NBAS: variants seen among roughly 807,000 people sequenced by gnomAD.
NBAS encodes the protein NAG/BC035112 fusion.
NBAS carries 219 observed loss-of-function variants against 302.5 expected under a neutral mutation model. The ratio of observed to expected loss-of-function variants is 0.72; its 90% CI spans 0.65 to 0.81. The LOEUF is 0.81. NBAS is among the 30% of genes least tolerant of loss of function. The pLI is 0.00. For missense variants in NBAS, 2,932 were observed against 2,841.6 expected, an observed-to-expected ratio of 1.03 and a Z score of -0.72; for synonymous variants, 1,118 against 1,021.6, an observed-to-expected ratio of 1.09 and a Z score of -1.80.
chr2:15,472,713 C>T (rs1364600836), intron 16 of NBAS, among the ~76,000 whole-genome samples: 13 of 152,194 alleles, frequency 8.5e-5, no homozygotes, highest in Non-Finnish European at 1.5e-5. Flanking sequence ...GCTGCAACCA[C>T]TCCTGGTCCA....
chr2:15,417,127 CCAAGATGTTTTCTTCAAA>C (rs1346510038), intron 24 of NBAS, among the ~76,000 whole-genome samples: 1 of 152,152 alleles, frequency 6.6e-6, no homozygotes, highest in Non-Finnish European at 1.5e-5. Context: ...AACCCTGAAG[CCAAGATGTTTTCTTCAAA>C]CAACCACCCG....
intron 26 of NBAS, 73 bp from the exon 27 acceptor site, chr2:15,396,548 A>G: frequency 9.9e-7 from 1 of 1,009,300 alleles, no homozygotes; most frequent in Non-Finnish European, 1.5e-6. Flanking sequence ...TACAAAACTT[A>G]ATGAAGTGAA....
chr2:15,556,480 A>C (rs1479215006), intron 3 of NBAS, among the ~76,000 whole-genome samples: 1 of 152,232 alleles, frequency 6.6e-6, no homozygotes, highest in Non-Finnish European at 1.5e-5. Context: ...GTATTTTAAA[A>C]GATATGCAGG....
chr2:14,823,446 T>C, the NBAS span, among the ~76,000 whole-genome samples: 4 of 152,228 alleles, frequency 2.6e-5, no homozygotes, highest in Admixed American at 6.5e-5. Context: ...TAGTCTGACC[T>C]ACACATTTTG....
intron 28 of NBAS, among the ~76,000 whole-genome samples, chr2:15,388,628 T>C (rs989457005): frequency 1.3e-5 from 2 of 152,160 alleles, no homozygotes; most frequent in Non-Finnish European, 2.9e-5. Context: ...GTTCCACTCC[T>C]AGGTAGATAT....
At chr2:15,359,345 C>A (rs902029757) in intron 32 of NBAS, among the ~76,000 whole-genome samples, 1 of 152,168 alleles carries the variant, frequency 6.6e-6, no homozygotes, top group Non-Finnish European at 1.5e-5. Flanking sequence ...GGACTTTAAA[C>A]ATTTTTGCCA....
At chr2:15,017,518 C>A in the NBAS span, among the ~76,000 whole-genome samples, 3 of 150,014 alleles carry the variant, frequency 2.0e-5, no homozygotes, top group Non-Finnish European at 3.0e-5. Context: ...AGGTGTTGCT[C>A]AAAAAAAAAG....
chr2:15,318,197 C>T (rs1558529552), intron 38 of NBAS, among the ~76,000 whole-genome samples: 1 of 152,116 alleles, frequency 6.6e-6, no homozygotes, highest in Non-Finnish European at 1.5e-5. Flanking sequence ...CAAGCAAATG[C>T]TGAGATTTTG....
the NBAS span, among the ~76,000 whole-genome samples, chr2:14,780,807 A>G: frequency 6.1e-3 from 931 of 152,312 alleles, 5 homozygotes; most frequent in Non-Finnish European, 0.011. Flanking sequence ...TGTGTTTTAT[A>G]CATCTGTTTC....
the NBAS span, among the ~76,000 whole-genome samples, chr2:14,862,300 G>C: frequency 6.6e-6 from 1 of 152,014 alleles, no homozygotes. Context: ...TGTATTTTTA[G>C]TAAAGACGGG....
At chr2:15,120,325 G>A in the NBAS span, among the ~76,000 whole-genome samples, 1 of 152,066 alleles carries the variant, frequency 6.6e-6, no homozygotes, top group Admixed American at 6.6e-5. Flanking sequence ...CCTACAATGT[G>A]GATATCGTTA....
At chr2:15,141,392 AGAC>A in the NBAS span, among the ~76,000 whole-genome samples, 1 of 152,230 alleles carries the variant, frequency 6.6e-6, no homozygotes, top group Non-Finnish European at 1.5e-5. Context: ...CCCGTTTTAC[AGAC>A]GACAACAGTG....
the NBAS span, among the ~76,000 whole-genome samples, chr2:14,809,749 C>T: frequency 6.6e-6 from 1 of 152,156 alleles, no homozygotes; most frequent in African/African-American, 2.4e-5. Context: ...ATGGTAGACT[C>T]ACCAACAGTT....
chr2:15,072,039 T>C, the NBAS span, among the ~76,000 whole-genome samples: 1 of 152,238 alleles, frequency 6.6e-6, no homozygotes, highest in African/African-American at 2.4e-5. Flanking sequence ...TTCTGTCTAC[T>C]TGCTCAGGAT....
chr2:14,982,029 C>T, the NBAS span, among the ~76,000 whole-genome samples: 1 of 152,300 alleles, frequency 6.6e-6, no homozygotes, highest in Middle Eastern at 3.4e-3. Context: ...TGTTCTAGGT[C>T]TTCCAAAGTC....
At chr2:14,909,298 T>G in the NBAS span, among the ~76,000 whole-genome samples, 1 of 126,596 alleles carries the variant, frequency 7.9e-6, no homozygotes. Context: ...CCGGCCTGGG[T>G]GACAGAGCGA....
At chr2:15,479,687 TAAG>T (rs1223490075) in intron 12 of NBAS, among the ~76,000 whole-genome samples, 2 of 152,322 alleles carry the variant, frequency 1.3e-5, no homozygotes, top group African/African-American at 4.8e-5. Flanking sequence ...AAACTAATGA[TAAG>T]AAGGAGCACC....
the NBAS span, among the ~76,000 whole-genome samples, chr2:14,932,974 T>C: frequency 6.6e-6 from 1 of 152,338 alleles, no homozygotes; most frequent in Non-Finnish European, 1.5e-5. Context: ...GGCAGCTACC[T>C]GCAAGCTATT....
chr2:14,920,636 T>C, the NBAS span, among the ~76,000 whole-genome samples: 1 of 152,198 alleles, frequency 6.6e-6, no homozygotes, highest in Non-Finnish European at 1.5e-5. Context: ...CTGGATAACT[T>C]ACTACAGCTT....
Sources: gnomAD v4.1 joint callset for allele counts (sites outside exome capture counted in the v4.1 genomes callset) on GRCh38, gnomAD v4.1.1 for gene constraint, MANE v1.5 for transcripts, NCBI Gene and HGNC (gene_info 2026-07-23, HGNC 2026-07-21) for gene names.